The following AGMAT variants were observed in gnomAD, a reference collection of about 807,000 sequenced individuals.
AGMAT encodes the protein agmatinase (putative).
In AGMAT, 37 loss-of-function variants were observed where a neutral mutation model predicts 29.3. The observed-to-expected ratio is 1.26, with a 90% CI of 0.97 to 1.66. The LOEUF is 1.66. Among genes scored for constraint, AGMAT ranks in the 40% most tolerant of loss-of-function variants. The pLI, the probability that AGMAT is intolerant of heterozygous loss-of-function variation, is 0.00. For synonymous variants in AGMAT, 199 were observed against 200.8 expected, an observed-to-expected ratio of 0.99 and a Z score of 0.08; for missense variants, 498 against 497.8, an observed-to-expected ratio of 1.00 and a Z score of 0.00.
intron 2 of AGMAT, 94 bp downstream of exon 2, chr1:15,583,099 G>T: frequency 1.1e-5 from 12 of 1,140,382 alleles, no homozygotes; most frequent in East Asian, 2.4e-5. Flanking sequence ...GCAGTGGCTT[G>T]CAGGGGAGAA....
Position 15,578,951 on chromosome 1 carries a change from CCA to C in AGMAT, c.626_627del (p.Val209GlyfsTer2). 6.2e-7 allele frequency: 1 copy of C among 1,614,178 alleles called. No individual in the cohort carries two copies. The highest frequency in any genetic ancestry group is 1.1e-5 in the South Asian group (1 of 91,078). ...LYHGAPFRRC[V>X]DEGLLDCKRV... is the part of the protein sequence containing the mutation. ...CGCTTACAGTCCAGGAGACCCTCATCCACACACCGGCGGAAGGGCGCCCCGTG... is the reference window on the plus strand; with the variant it reads ...CGCTTACAGTCCAGGAGACCCTCATCCACACCGGCGGAAGGGCGCCCCGTG... On this transcript the variant is annotated frameshift_variant, in exon 4 of 7. Transcript: ENST00000375826. LOFTEE classifies it high-confidence loss of function.
intron 1 of AGMAT, 135 bp downstream of exon 1, chr1:15,584,561 G>A (rs1639158722): frequency 3.2e-6 from 3 of 948,574 alleles, no homozygotes; most frequent in African/African-American, 3.4e-5. Context: ...AAACCATAAG[G>A]GGCATTTTGG....
In AGMAT at chr1:15,573,564, C is replaced by T; in HGVS notation, c.*87G>A. On this transcript the variant is annotated 3_prime_UTR_variant, in exon 7 of 7. Coordinates refer to ENST00000375826, the MANE Select transcript of AGMAT (RefSeq NM_024758.5). ...CAGCAGAAAGTTTTCTTGGCATAAA[C>T]TCTTTAGTTCTCAGACTGCTTACTC... is the stretch of plus-strand genomic sequence containing the variant. 2 of 1,273,618 alleles carry T rather than the reference C, an allele frequency of 1.6e-6. No individual in the cohort carries two copies. Among genetic ancestry groups the T allele is most frequent in the Non-Finnish European group, 1.1e-6 (1 of 880,036 alleles). The allele number at this position is 1,273,618 out of a possible 1,614,324, so 78.9% of individuals were successfully genotyped here. A position where few individuals can be genotyped will look rare whatever the true frequency, so the allele number is the denominator to read the frequency against.
At chr1:15,574,478 A>T (rs1474357970) in intron 6 of AGMAT, among the ~76,000 whole-genome samples, 1 of 150,566 alleles carries the variant, frequency 6.6e-6, no homozygotes, top group Non-Finnish European at 1.5e-5. Flanking sequence ...CCTAGGTTCT[A>T]AGCGATTCTC....
chr1:15,578,171 AG>A (rs1360362082), intron 4 of AGMAT, among the ~76,000 whole-genome samples: 1 of 152,216 alleles, frequency 6.6e-6, no homozygotes, highest in African/African-American at 2.4e-5. Context: ...TCTAAAAGCA[AG>A]GGATTTGGGT....
chr1:15,580,201 C>CTTTTTTTTTTTTTT, intron 2 of AGMAT, 59 bp from the exon 3 acceptor site: 4 of 567,924 alleles, frequency 7.0e-6, no homozygotes, highest in East Asian at 3.7e-5. Context: ...ATAGAATAAT[C>CTTTTTTTTTTTTTT]TTTTTTTTTT....
In AGMAT at chr1:15,578,997, G is replaced by C. The variant is rs375232324; in HGVS notation, c.582C>G (p.Ala194=). The change falls in exon 4 of 7, where the codon GCC becomes GCG. Residue 194 remains alanine, a synonymous_variant. Coordinates refer to ENST00000375826, the MANE Select transcript of AGMAT (RefSeq NM_024758.5). ...CCCCGTGGTAGAGCTTCTCTCCTAG[G>C]GCCTTGTCGGTCGTGTCCGTGTGCG... ...VDAHTDTTDK[A]LGEKLYHGAP... The C allele has an allele frequency of 1.1e-5, 17 of 1,614,004 alleles. No individual in the cohort carries two copies. The East Asian group carries it at 3.6e-4, about 34-fold the overall frequency.
In AGMAT at chr1:15,584,885, G is replaced by A; in HGVS notation, c.83C>T (p.Pro28Leu). Residue 28 changes from proline (P) to leucine (L), a missense_variant, in exon 1 of 7, where the codon CCG (proline) becomes CTG (leucine). Pro to Leu is a moderately conservative substitution (Grantham distance 98). Transcript: ENST00000375826. ...AGCCTGGCGGCTCTGGCGGCGCCCC[G>A]GATGAAAGAGCCCTGCGGCAGGACG... The part of the protein sequence containing the change: ...GARPAAGLFH[P>L]GRRQSRQASD... 3 of 1,404,766 alleles carry A rather than the reference G, an allele frequency of 2.1e-6. No individual in the cohort carries two copies. Among genetic ancestry groups the A allele is most frequent in the Non-Finnish European group, 2.8e-6 (3 of 1,086,052 alleles). 87.0% of individuals were successfully genotyped at this position (1,404,766 alleles called of 1,614,324 possible).
intron 2 of AGMAT, 73 bp downstream of exon 2, chr1:15,583,120 T>A: frequency 7.3e-7 from 1 of 1,378,250 alleles, no homozygotes; most frequent in Non-Finnish European, 9.8e-7. Context: ...GTAGCTGTAC[T>A]CAAGCCCCTG....
chr1:15,574,450 T>A (rs1639002739), intron 6 of AGMAT, among the ~76,000 whole-genome samples: 1 of 151,128 alleles, frequency 6.6e-6, no homozygotes, highest in Non-Finnish European at 1.5e-5. Context: ...CAATCTCAGC[T>A]CACTGCAACC....
chr1:15,573,768 C>T lies in AGMAT; in HGVS notation c.986-44G>A, dbSNP rs368402791. The T allele has an allele frequency of 3.2e-5, 50 of 1,561,792 alleles. No individual in the cohort carries two copies. The African/African-American group carries it at 5.0e-4, about 16-fold the overall frequency. On this transcript the variant is annotated intron_variant, in intron 6 of 6. Transcript: ENST00000375826. ...TCACATGAATACCCTGCAGACGACCCGCTGAGCCAAGCCTTGGGACTCCTC... is the reference window on the plus strand; with the variant it reads ...TCACATGAATACCCTGCAGACGACCTGCTGAGCCAAGCCTTGGGACTCCTC...
rs1638966059 is a variant in AGMAT, at chr1:15,572,352, C to CTTGT, written c.*1298_*1299insACAA. On this transcript the variant is annotated 3_prime_UTR_variant, in exon 7 of 7. Coordinates refer to ENST00000375826, the MANE Select transcript of AGMAT (RefSeq NM_024758.5). ...GGCGTGAGCCACTGGGTCCGGCCTG[C>CTTGT]TTTTTTTTTTTTTTTTTTTTTTTTG... The CTTGT allele has an allele frequency of 2.3e-5, 1 of 43,724 alleles. No individual in the cohort carries two copies. The highest frequency in any genetic ancestry group is 1.1e-4 in the African/African-American group (1 of 9,520). The allele number at this position is 43,724 out of a possible 1,614,324, so 2.7% of individuals were successfully genotyped here. A position where few individuals can be genotyped will look rare whatever the true frequency, so the allele number is the denominator to read the frequency against.
Position 15,574,753 on chromosome 1 carries a change from T to G in AGMAT, c.985+4A>C. On this transcript the variant is annotated splice_donor_region_variant and intron_variant, in intron 6 of 6. Coordinates refer to ENST00000375826, the MANE Select transcript of AGMAT (RefSeq NM_024758.5). The stretch of plus-strand genomic sequence containing the variant: ...CATGGATCTCAGTCTCTTTGCTTAC[T>G]CACCAGAAAGATCATACGGTGGTGA... 1 of 1,613,118 alleles carries G rather than the reference T, an allele frequency of 6.2e-7. No individual in the cohort carries two copies.
chr1:15,584,797 G>T lies in AGMAT; in HGVS notation c.171C>A (p.Cys57Ter). The change falls in exon 1 of 7, where the codon TGC (cysteine) becomes TGA (stop). Residue 57 changes from cysteine to a stop codon, truncating the protein, a stop_gained. Transcript: ENST00000375826. LOFTEE classifies it high-confidence loss of function. ...PEFVARPVGV[C>*]SMMRLPVQTS... ...TCTGCACCGGCAGGCGCATCATGGAGCAGACGCCCACCGGCCGGGCCACGA... is the reference window on the plus strand; with the variant it reads ...TCTGCACCGGCAGGCGCATCATGGATCAGACGCCCACCGGCCGGGCCACGA... 7.1e-7 allele frequency: 1 copy of T among 1,398,856 alleles called. No homozygotes were observed. 86.7% of individuals were successfully genotyped at this position (1,398,856 alleles called of 1,614,324 possible).
chr1:15,579,090 C>T (rs1409682192), intron 3 of AGMAT, 36 bp from the exon 4 acceptor site: 2 of 1,595,824 alleles, frequency 1.3e-6, no homozygotes, highest in East Asian at 4.5e-5. Context: ...GCCAACCCTC[C>T]CTGTGGGGCC....
At chr1:15,578,033 G>A (rs1427537574) in intron 4 of AGMAT, among the ~76,000 whole-genome samples, 169 bp from the exon 5 acceptor site, 1 of 152,204 alleles carries the variant, frequency 6.6e-6, no homozygotes, top group African/African-American at 2.4e-5. Context: ...GAGTGGTAAG[G>A]AAGCAGGGTC....
intron 5 of AGMAT, chr1:15,576,023 CT>C (rs1206110731): frequency 6.6e-6 from 1 of 152,134 alleles, no homozygotes; most frequent in Admixed American, 6.6e-5. Flanking sequence ...TCCCAAAGTG[CT>C]GAGGATAGTG....
chr1:15,584,731 G>A lies in AGMAT; in HGVS notation c.237C>T (p.Pro79=), dbSNP rs1431308865. 9 of 1,346,260 alleles carry A rather than the reference G, an allele frequency of 6.7e-6. No individual in the cohort carries two copies. The highest frequency in any genetic ancestry group is 8.6e-6 in the Non-Finnish European group (9 of 1,043,652). 83.4% of individuals were successfully genotyped at this position (1,346,260 alleles called of 1,614,324 possible). ...EGLDAAFIGV[P]LDTGTSNRPG... ...GCCGGTTGGAGGTCCCAGTATCCAG[G>A]GGCACCCCGATGAAGGCAGCGTCCA... is the stretch of plus-strand genomic sequence containing the variant. The change falls in exon 1 of 7, where the codon CCC becomes CCT. Residue 79 remains proline (P), a synonymous_variant. Transcript: ENST00000375826.
chr1:15,573,769 G>A lies in AGMAT; in HGVS notation c.986-45C>T, dbSNP rs768187576. 46 of 1,544,104 alleles carry A rather than the reference G, an allele frequency of 3.0e-5. 1 individual carries two copies. The South Asian group carries it at 3.1e-4, about 10-fold the overall frequency. On this transcript the variant is annotated intron_variant, in intron 6 of 6. Transcript: ENST00000375826. ...CACATGAATACCCTGCAGACGACCC[G>A]CTGAGCCAAGCCTTGGGACTCCTCA...
Sources: allele counts gnomAD v4.1 joint callset (sites outside exome capture counted in the v4.1 genomes callset), GRCh38; gene constraint gnomAD v4.1.1; transcripts MANE v1.5; gene names NCBI Gene and HGNC (gene_info 2026-07-23, HGNC 2026-07-21).